WDR12: variants seen among roughly 807,000 people sequenced by gnomAD.
WDR12 encodes the protein WD repeat domain 12.
Under a neutral mutation model 64.3 loss-of-function variants are expected in WDR12, and 42 were observed. The ratio of observed to expected loss-of-function variants is 0.65; its 90% CI spans 0.51 to 0.84. The LOEUF (loss-of-function observed/expected upper bound fraction) is 0.84. Ranked by LOEUF, WDR12 falls within the 40% of genes least tolerant of loss-of-function variation. WDR12 has a pLI of 0.00. For synonymous variants in WDR12, 158 were observed against 173.3 expected (o/e 0.91, Z 0.70); for missense variants, 469 against 494.6 (o/e 0.95, Z 0.49).
Position 202,882,836 on chromosome 2 carries a change from C to G in WDR12, c.1122-53G>C, listed in dbSNP as rs928623855. 11 of 1,553,096 alleles carry G rather than the reference C, an allele frequency of 7.1e-6. No homozygotes were observed. In the African/African-American group the frequency reaches 1.1e-4, roughly 15 times the overall value. ...TATGCATTCACAGTGTTAAAACAAACATTTGAATAATCACTTATACTTATC... is the reference window on the plus strand; with the variant it reads ...TATGCATTCACAGTGTTAAAACAAAGATTTGAATAATCACTTATACTTATC... On this transcript the variant is annotated intron_variant, in intron 11 of 12. Transcript: ENST00000261015.
chr2:202,906,820 G>C (rs547511748), intron 2 of WDR12, among the ~76,000 whole-genome samples: 3 of 152,170 alleles, frequency 2.0e-5, no homozygotes, highest in Admixed American at 2.0e-4. Flanking sequence ...TTTATGTAAT[G>C]TTTCTTTACT....
At chr2:202,898,944 T>TAA (rs532820834) in intron 4 of WDR12, among the ~76,000 whole-genome samples, 3,001 of 94,882 alleles carry the variant, frequency 0.032, 154 homozygotes, top group African/African-American at 0.11. Context: ...AGACCCCGTT[T>TAA]AAAAAAAAAA....
chr2:202,899,925 A>G (rs1184943324), intron 3 of WDR12, among the ~76,000 whole-genome samples: 7 of 152,194 alleles, frequency 4.6e-5, no homozygotes, highest in Non-Finnish European at 7.3e-5. Context: ...TAGGAGTTCA[A>G]GTCCAGCCCA....
At chr2:202,899,042 T>G (rs535909711) in intron 4 of WDR12, among the ~76,000 whole-genome samples, 1 of 129,138 alleles carries the variant, frequency 7.7e-6, no homozygotes, top group East Asian at 2.2e-4. Context: ...GTTTTTTTTT[T>G]TTTTTTTTTT....
At chr2:202,891,846 T>C (rs1196837893) in intron 8 of WDR12, among the ~76,000 whole-genome samples, 1 of 152,170 alleles carries the variant, frequency 6.6e-6, no homozygotes, top group Non-Finnish European at 1.5e-5. Flanking sequence ...GGATAAATAA[T>C]AATCTGCATG....
At chr2:202,882,534 TAGTC>T (rs1687973297) in intron 12 of WDR12, among the ~76,000 whole-genome samples, 173 bp downstream of exon 12, 1 of 152,118 alleles carries the variant, frequency 6.6e-6, no homozygotes, top group African/African-American at 2.4e-5. Flanking sequence ...TCCACCTTGT[TAGTC>T]AGGATGGCCT....
intron 12 of WDR12, among the ~76,000 whole-genome samples, chr2:202,881,965 T>A (rs1241780012): frequency 6.6e-6 from 1 of 152,160 alleles, no homozygotes; most frequent in East Asian, 1.9e-4. Flanking sequence ...AGACAGGGTA[T>A]CACTCTGTTA....
intron 4 of WDR12, among the ~76,000 whole-genome samples, chr2:202,899,257 G>C (rs1055381161): frequency 6.6e-6 from 1 of 151,686 alleles, no homozygotes; most frequent in African/African-American, 2.4e-5. Flanking sequence ...TGTTAGCCAG[G>C]ATGGTCTCGA....
intron 8 of WDR12, among the ~76,000 whole-genome samples, chr2:202,890,719 C>G (rs956263916): frequency 2.0e-5 from 3 of 151,120 alleles, no homozygotes; most frequent in Non-Finnish European, 2.9e-5. Flanking sequence ...TGCAGTGAGC[C>G]GAGATCACGC....
At chr2:202,896,628 T>G (rs970935252) in intron 5 of WDR12, among the ~76,000 whole-genome samples, 18 of 151,846 alleles carry the variant, frequency 1.2e-4, no homozygotes, top group South Asian at 8.3e-4. Context: ...GAGGTGGAAG[T>G]TGCAGTGAGT....
rs1687887832 is a variant in WDR12, at chr2:202,877,702, A to T, written c.*3158T>A. 6.6e-6 allele frequency: 1 copy of T among 152,232 alleles called. No individual in the cohort carries two copies. Among genetic ancestry groups the T allele is most frequent in the African/African-American group, 2.4e-5 (1 of 41,434 alleles). The allele number at this position is 152,232 out of a possible 1,614,324, so 9.4% of individuals were successfully genotyped here. ...AAAAACCAACCTTTGATAAGAGAGC[A>T]AGTATCAACATTTTAAAGAACTGCA... is the stretch of plus-strand genomic sequence containing the variant. On this transcript the variant is annotated 3_prime_UTR_variant, in exon 13 of 13. Coordinates refer to ENST00000261015, the MANE Select transcript of WDR12 (RefSeq NM_018256.4).
chr2:202,898,088 A>T (rs1688285179), intron 4 of WDR12, among the ~76,000 whole-genome samples: 1 of 151,402 alleles, frequency 6.6e-6, no homozygotes, highest in Non-Finnish European at 1.5e-5. Flanking sequence ...CACCCAAAAA[A>T]AATCCTACAT....
intron 3 of WDR12, among the ~76,000 whole-genome samples, chr2:202,900,791 G>C (rs1362969433): frequency 6.6e-6 from 1 of 151,862 alleles, no homozygotes; most frequent in Admixed American, 6.6e-5. Context: ...CAAAAAAAGA[G>C]GGCTTCAAAA....
At chr2:202,896,259 A>G (rs769495550) in intron 5 of WDR12, 40 bp from the exon 6 acceptor site, 50 of 1,594,174 alleles carry the variant, frequency 3.1e-5, no homozygotes, top group Non-Finnish European at 4.0e-5. Context: ...ACAAATCAGT[A>G]TACCATTTAG....
chr2:202,883,239 G>A (rs560294984), intron 11 of WDR12, among the ~76,000 whole-genome samples: 9 of 152,174 alleles, frequency 5.9e-5, no homozygotes, highest in East Asian at 1.9e-4. Flanking sequence ...GGGTTCGAGC[G>A]ATTCTCCTGC....
intron 7 of WDR12, 111 bp downstream of exon 7, chr2:202,894,470 C>T (rs1441472814): frequency 9.0e-6 from 8 of 885,038 alleles, no homozygotes; most frequent in Non-Finnish European, 1.3e-5. Flanking sequence ...GATCCTTCTA[C>T]CCTGGCTTCC....
rs1450921064 is a variant in WDR12 at position 202,874,646 on chromosome 2, C to A, written c.*6214G>T. On this transcript the variant is annotated 3_prime_UTR_variant, in exon 13 of 13. Transcript: ENST00000261015. Reference sequence around the variant, plus strand: ...AAAAGCTCTATTTCTTCAAGGCATTCCAGTTTCTTTGTAATCTGTTGGATT... The same window carrying A: ...AAAAGCTCTATTTCTTCAAGGCATTACAGTTTCTTTGTAATCTGTTGGATT... The A allele has an allele frequency of 1.3e-5, 2 of 152,154 alleles. No individual in the cohort carries two copies. The highest frequency in any genetic ancestry group is 3.9e-4 in the East Asian group (2 of 5,194). 9.4% of individuals were successfully genotyped at this position (152,154 alleles called of 1,614,324 possible).
At position 202,879,059 on chromosome 2, in the gene WDR12, CTTGCT is replaced by C. The variant is rs1687907995; in HGVS notation, c.*1796_*1800del. Reference sequence around the variant, plus strand: ...TTTTTATTTTTTTTTGAGACAGAGTCTTGCTCTGTTGCCCAGGCTGAAATGCAGTG... The same window carrying C: ...TTTTTATTTTTTTTTGAGACAGAGTCCTGTTGCCCAGGCTGAAATGCAGTG... On this transcript the variant is annotated 3_prime_UTR_variant, in exon 13 of 13. Coordinates refer to ENST00000261015, the MANE Select transcript of WDR12 (RefSeq NM_018256.4). 6.6e-6 allele frequency: 1 copy of C among 152,094 alleles called. No individual in the cohort carries two copies. Among genetic ancestry groups the C allele is most frequent in the African/African-American group, 2.4e-5 (1 of 41,372 alleles). The allele number at this position is 152,094 out of a possible 1,614,324, so 9.4% of individuals were successfully genotyped here. A position where few individuals can be genotyped will look rare whatever the true frequency, so the allele number is the denominator to read the frequency against.
At chr2:202,901,917 A>T (rs1400970357) in intron 2 of WDR12, among the ~76,000 whole-genome samples, 1 of 152,098 alleles carries the variant, frequency 6.6e-6, no homozygotes, top group Non-Finnish European at 1.5e-5. Context: ...TCCCATCAGG[A>T]TGTAAATAGG....
Sources: allele counts gnomAD v4.1 joint callset (sites outside exome capture counted in the v4.1 genomes callset), GRCh38; gene constraint gnomAD v4.1.1; transcripts MANE v1.5; gene names NCBI Gene and HGNC (gene_info 2026-07-23, HGNC 2026-07-21).